The following TMLHE variants were observed in gnomAD, a reference collection of about 807,000 sequenced individuals.
The protein encoded by TMLHE is trimethyllysine dioxygenase, mitochondrial.
A neutral mutation model predicts 25.7 loss-of-function variants in TMLHE; 18 were observed. The ratio of observed to expected loss-of-function variants is 0.70; its 90% CI spans 0.48 to 1.04. TMLHE has a LOEUF of 1.04. TMLHE is among the 50% of genes least tolerant of loss of function. TMLHE has a pLI of 0.00. For synonymous variants in TMLHE, 105 were observed against 97.0 expected, an observed-to-expected ratio of 1.08 and a Z score of -0.49; for missense variants, 236 against 259.0, an observed-to-expected ratio of 0.91 and a Z score of 0.61.
At chrX:155,610,279 G>C in intron 1 of TMLHE, among the ~76,000 whole-genome samples, 1 of 112,049 alleles carries the variant, frequency 8.9e-6, no homozygotes, top group Non-Finnish European at 1.9e-5. Flanking sequence ...AAATTTTCAG[G>C]ATAGGCAAAT....
intron 1 of TMLHE, among the ~76,000 whole-genome samples, chrX:155,585,996 G>A (rs900918608): frequency 3.6e-5 from 4 of 111,048 alleles, no homozygotes; most frequent in African/African-American, 9.8e-5. Flanking sequence ...AGGCCGAGGC[G>A]GGCGGATCAC....
At chrX:155,598,341 G>A (rs1367112821) in intron 1 of TMLHE, among the ~76,000 whole-genome samples, 1 of 109,895 alleles carries the variant, frequency 9.1e-6, no homozygotes, top group Non-Finnish European at 1.9e-5. Flanking sequence ...AGAAAATGTG[G>A]CACATATACA....
intron 1 of TMLHE, among the ~76,000 whole-genome samples, chrX:155,576,308 T>TA (rs1432172467): frequency 2.7e-5 from 3 of 110,915 alleles, no homozygotes; most frequent in African/African-American, 9.8e-5. Context: ...ACCAGGAAGG[T>TA]AAAAAATATC....
intron 2 of TMLHE, among the ~76,000 whole-genome samples, chrX:155,536,435 T>G (rs1557337628): frequency 9.0e-6 from 1 of 111,296 alleles, no homozygotes; most frequent in African/African-American, 3.3e-5. Context: ...AGGTTAAGAG[T>G]TGCTAGTTAT....
chrX:155,548,527 AGTATG>A (rs2067376893), intron 1 of TMLHE, among the ~76,000 whole-genome samples: 2 of 108,202 alleles, frequency 1.8e-5, no homozygotes, highest in Non-Finnish European at 3.8e-5. Context: ...CAAGGTCAGC[AGTATG>A]AGGCCAGCCT....
chrX:155,579,098 T>C (rs902648882), intron 1 of TMLHE, among the ~76,000 whole-genome samples: 6 of 49,004 alleles, frequency 1.2e-4, no homozygotes, highest in South Asian at 2.1e-3. Context: ...GTGAAAGAAA[T>C]TGTACATGAC....
At chrX:155,547,283 T>C (rs782733338) in intron 1 of TMLHE, among the ~76,000 whole-genome samples, 1,981 of 88,077 alleles carry the variant, frequency 0.022, 101 homozygotes, top group African/African-American at 0.07. Flanking sequence ...TAGCTGGGAC[T>C]ACAGGCACCT....
intron 1 of TMLHE, among the ~76,000 whole-genome samples, chrX:155,595,841 T>C (rs2067717443): frequency 8.9e-6 from 1 of 111,820 alleles, no homozygotes; most frequent in Admixed American, 9.5e-5. Flanking sequence ...CTGGAAAATT[T>C]AATGCCAGCA....
chrX:155,524,359 T>A, intron 3 of TMLHE, 97 bp downstream of exon 3: 1 of 748,063 alleles, frequency 1.3e-6, no homozygotes, highest in Admixed American at 3.9e-5. Context: ...GAAAAGTAAG[T>A]AATAACCTAT....
At chrX:155,584,805 C>T (rs2067654426) in intron 1 of TMLHE, among the ~76,000 whole-genome samples, 1 of 111,333 alleles carries the variant, frequency 9.0e-6, no homozygotes, top group African/African-American at 3.3e-5. Context: ...TATGATTTCC[C>T]TCATAAATGA....
At chrX:155,606,146 G>C (rs782411495) in intron 1 of TMLHE, among the ~76,000 whole-genome samples, 1 of 111,375 alleles carries the variant, frequency 9.0e-6, no homozygotes, top group South Asian at 3.7e-4. Flanking sequence ...TACAATAATA[G>C]TGGGAGATTT....
chrX:155,514,751 C>A (rs1241884493), intron 3 of TMLHE, among the ~76,000 whole-genome samples: 1 of 111,415 alleles, frequency 9.0e-6, no homozygotes, highest in African/African-American at 3.3e-5. Flanking sequence ...GGAACTAGAA[C>A]CCCACCTTCT....
At chrX:155,513,928 T>C in intron 4 of TMLHE, 58 bp downstream of exon 4, 1 of 1,091,925 alleles carries the variant, frequency 9.2e-7, no homozygotes, top group Non-Finnish European at 1.2e-6. Context: ...TATTTATTGG[T>C]GTTCATGCTC....
rs1557332788 is a variant in TMLHE at position 155,507,099 on chromosome X, G to A, written c.794C>T (p.Thr265Ile). 2 of 1,208,644 alleles carry A rather than the reference G, an allele frequency of 1.7e-6. No homozygotes were observed. Among genetic ancestry groups the A allele is most frequent in the East Asian group, 3.0e-5 (1 of 33,798 alleles). The change falls in exon 6 of 8, where the codon ACT becomes ATT. Residue 265 changes from threonine to isoleucine, a missense_variant. Around this residue, in one of 2 missense-constraint regions of TMLHE, gnomAD observed 217 missense variants for 214.6 expected, o/e 1.01. Coordinates refer to ENST00000334398, the MANE Select transcript of TMLHE (RefSeq NM_018196.4). ...ATCTACTAGCAGTGTCCTGCCACCA[G>A]TTCCTTCATGTTTAAGACAATGAAA... ...QVFHCLKHEG[T>I]GGRTLLVDGF...
intron 1 of TMLHE, among the ~76,000 whole-genome samples, chrX:155,600,420 A>G (rs2067749096): frequency 8.9e-6 from 1 of 112,121 alleles, no homozygotes; most frequent in Admixed American, 9.5e-5. Flanking sequence ...TATGCTATCT[A>G]TGAATTTCAC....
chrX:155,552,674 C>T (rs1439062903), intron 1 of TMLHE, among the ~76,000 whole-genome samples: 1 of 109,498 alleles, frequency 9.1e-6, no homozygotes, highest in Non-Finnish European at 1.9e-5. Flanking sequence ...AAGAAACTTT[C>T]GGTTTCAATA....
chrX:155,593,962 A>T (rs1317349492), intron 1 of TMLHE, among the ~76,000 whole-genome samples: 2 of 111,370 alleles, frequency 1.8e-5, no homozygotes, highest in African/African-American at 6.5e-5. Context: ...GAGACTTAAC[A>T]TTTGCATAAT....
chrX:155,513,870 T>C (rs1377991575), intron 4 of TMLHE, 116 bp downstream of exon 4: 13 of 777,507 alleles, frequency 1.7e-5, no homozygotes, highest in Non-Finnish European at 2.4e-5. Context: ...TTATTCATGC[T>C]ACAAAATATT....
At chrX:155,548,517 CA>C (rs2067375779) in intron 1 of TMLHE, among the ~76,000 whole-genome samples, 1 of 108,067 alleles carries the variant, frequency 9.3e-6, no homozygotes, top group Non-Finnish European at 1.9e-5. Context: ...GGGCGGATCA[CA>C]AGGTCAGCAG....
Sources: allele counts gnomAD v4.1 joint callset (sites outside exome capture counted in the v4.1 genomes callset), GRCh38; gene constraint gnomAD v4.1.1; regional missense constraint gnomAD v4.1.1; transcripts MANE v1.5; gene names NCBI Gene and HGNC (gene_info 2026-07-23, HGNC 2026-07-21).